The following UGT1A4 variants were observed in gnomAD, a reference collection of about 807,000 sequenced individuals.
UGT1A4 encodes the protein UDP glucuronosyltransferase family 1 member A4, also known as UDP-glucuronosyltransferase 1A4.
In UGT1A4, 32 loss-of-function variants were observed where a neutral mutation model predicts 41.1. The observed-to-expected ratio is 0.78, with a 90% CI of 0.59 to 1.05. The LOEUF is 1.05. Among genes scored for constraint, UGT1A4 ranks in the 50% least tolerant of loss-of-function variants. The pLI, the probability that UGT1A4 is intolerant of heterozygous loss-of-function variation, is 0.00. For synonymous variants in UGT1A4, 283 were observed against 265.1 expected, an observed-to-expected ratio of 1.07 and a Z score of -0.66; for missense variants, 748 against 677.4, an observed-to-expected ratio of 1.10 and a Z score of -1.16.
chr2:233,769,506 T>A lies in UGT1A4; in HGVS notation c.1307+1067T>A. On this transcript the variant is annotated intron_variant, in intron 4 of 4. Coordinates refer to ENST00000373409, the MANE Select transcript of UGT1A4 (RefSeq NM_007120.3). The surrounding 1 kb of genome is among the most constrained non-coding windows in gnomAD (Gnocchi z 4.4). ...GTGTGTTTATGAGAGTGTCCATTGCTTTCTCCCATGGTTACCTCCTTTAGA... is the reference window on the plus strand; with the variant it reads ...GTGTGTTTATGAGAGTGTCCATTGCATTCTCCCATGGTTACCTCCTTTAGA... The A allele has an allele frequency of 6.2e-7, 1 of 1,612,780 alleles. No individual in the cohort carries two copies. Among genetic ancestry groups the A allele is most frequent in the Non-Finnish European group, 8.5e-7 (1 of 1,179,850 alleles).
At chr2:233,772,241 C>T (rs200350292) in intron 4 of UGT1A4, 21 bp from the exon 5 acceptor site, 139 of 1,614,076 alleles carry the variant, frequency 8.6e-5, no homozygotes, top group Admixed American at 1.2e-4. Flanking sequence ...CCAGGCATAA[C>T]GAAACTGTCT....
At chr2:233,756,509 C>G (rs138449392) in intron 1 of UGT1A4, among the ~76,000 whole-genome samples, 3,057 of 152,098 alleles carry the variant, frequency 0.02, 61 homozygotes, top group Non-Finnish European at 0.029. Context: ...TATGGAGGGT[C>G]AAATGTGCAT....
intron 1 of UGT1A4, among the ~76,000 whole-genome samples, chr2:233,732,815 A>C (rs1359476181): frequency 7.1e-6 from 1 of 140,410 alleles, no homozygotes; most frequent in African/African-American, 2.7e-5. Context: ...TTGATTCCAT[A>C]TGAACTTTAA....
Position 233,767,879 on chromosome 2 carries a change from T to C in UGT1A4, c.1030T>C (p.Ser344Pro). 1 of 1,614,180 alleles carries C rather than the reference T, an allele frequency of 6.2e-7. No homozygotes were observed. The highest frequency in any genetic ancestry group is 1.6e-4 in the Middle Eastern group (1 of 6,062). ...VLWRYTGTRP[S>P]NLANNTILVK... ...GTGGCGGTACACTGGAACCCGACCA[T>C]CGAATCTTGCGAACAACACGATACT... The change falls in exon 3 of 5, where the codon TCG becomes CCG. Residue 344 changes from serine (S) to proline (P), a missense_variant. Coordinates refer to ENST00000373409, the MANE Select transcript of UGT1A4 (RefSeq NM_007120.3).
chr2:233,766,145 C>G (rs1400021152), intron 1 of UGT1A4, among the ~76,000 whole-genome samples: 2 of 152,164 alleles, frequency 1.3e-5, no homozygotes, highest in Non-Finnish European at 2.9e-5. Flanking sequence ...CGAATCCCAC[C>G]TGGGCTTGGA....
rs373052727 is a variant in UGT1A4 at position 233,772,330 on chromosome 2, C to T, written c.1376C>T (p.Ala459Val). ...CGCCCGGTGGAGCCGCTGGACCTGGCCGTGTTCTGGGTGGAGTTTGTGATG... is the reference window on the plus strand; with the variant it reads ...CGCCCGGTGGAGCCGCTGGACCTGGTCGTGTTCTGGGTGGAGTTTGTGATG... Reference protein sequence around the residue: ...KDRPVEPLDLAVFWVEFVMRH... With the variant: ...KDRPVEPLDLVVFWVEFVMRH... The change falls in exon 5 of 5, where the codon GCC (alanine) becomes GTC (valine). Residue 459 changes from alanine to valine, a missense_variant. Ala to Val is a moderately conservative substitution (Grantham distance 64). Transcript: ENST00000373409. 1.2e-6 allele frequency: 2 copies of T among 1,614,146 alleles called. No homozygotes were observed. The highest frequency in any genetic ancestry group is 1.7e-6 in the Non-Finnish European group (2 of 1,180,034).
At chr2:233,747,988 G>A (rs1693831821) in intron 1 of UGT1A4, 3 of 1,613,354 alleles carry the variant, frequency 1.9e-6, no homozygotes, top group Non-Finnish European at 2.5e-6. Context: ...CTGTTCCGAG[G>A]GGACTTTGTG....
intron 1 of UGT1A4, chr2:233,754,988 A>T (rs756949361): frequency 6.6e-5 from 86 of 1,295,924 alleles, no homozygotes; most frequent in Non-Finnish European, 8.9e-5. Context: ...CGGCGGGGTC[A>T]CGGAAGCTGA....
intron 1 of UGT1A4, chr2:233,747,682 G>A: frequency 6.2e-7 from 1 of 1,608,610 alleles, no homozygotes; most frequent in Admixed American, 1.7e-5. Flanking sequence ...ATTTACCTCT[G>A]TGGGGCAGTG....
intron 1 of UGT1A4, chr2:233,743,999 G>C (rs981482683): frequency 6.6e-6 from 8 of 1,219,924 alleles, no homozygotes; most frequent in African/African-American, 3.2e-5. Flanking sequence ...CCGAGTGCTC[G>C]GAGACCTGGG....
chr2:233,767,319 T>G (rs928023163), intron 2 of UGT1A4, among the ~76,000 whole-genome samples, 154 bp downstream of exon 2: 1 of 152,210 alleles, frequency 6.6e-6, no homozygotes, highest in African/African-American at 2.4e-5. Flanking sequence ...TTTTTGTTGT[T>G]GTGGTTGTTG....
chr2:233,762,622 T>A (rs772893097), intron 1 of UGT1A4, among the ~76,000 whole-genome samples: 3 of 152,196 alleles, frequency 2.0e-5, no homozygotes, highest in Non-Finnish European at 4.4e-5. Context: ...TGTTGTGACC[T>A]CAAACACTTC....
chr2:233,747,678 C>T, intron 1 of UGT1A4: 3 of 1,607,090 alleles, frequency 1.9e-6, no homozygotes, highest in Admixed American at 1.7e-5. Context: ...CCCAATTTAC[C>T]TCTGTGGGGC....
chr2:233,729,351 C>T, intron 1 of UGT1A4: 1 of 1,614,194 alleles, frequency 6.2e-7, no homozygotes, highest in Non-Finnish European at 8.5e-7. Context: ...AGAACTTTTT[C>T]ACCCTGACAA....
intron 1 of UGT1A4, chr2:233,753,260 C>T (rs917926378): frequency 2.6e-5 from 4 of 152,220 alleles, no homozygotes; most frequent in African/African-American, 9.6e-5. Context: ...ACTACCCAGG[C>T]ACCTTGGAGC....
rs528884709 is a variant in UGT1A4, at chr2:233,723,430, G to A, written c.867+3743G>A. Among the ~76,000 whole-genome samples the A allele has an allele frequency of 9.0e-5, 12 of 133,776 alleles. 1 individual carries two copies. In the South Asian group the frequency reaches 1.7e-3, roughly 19 times the overall value. 87.8% of individuals were successfully genotyped at this position (133,776 alleles called of 152,430 possible). On this transcript the variant is annotated intron_variant, in intron 1 of 4. Coordinates refer to ENST00000373409, the MANE Select transcript of UGT1A4 (RefSeq NM_007120.3). ...TCACCATACTGGTCAGGCTGGTCTC[G>A]AACTCCTGACCTCAGGTGATCCACC...
intron 1 of UGT1A4, among the ~76,000 whole-genome samples, chr2:233,749,453 C>A (rs1313864160): frequency 6.6e-6 from 1 of 151,804 alleles, no homozygotes; most frequent in Non-Finnish European, 1.5e-5. Flanking sequence ...TGGAGCAGAA[C>A]GAATTGGGAA....
At chr2:233,740,238 G>A (rs1254751502) in intron 1 of UGT1A4, among the ~76,000 whole-genome samples, 1 of 151,796 alleles carries the variant, frequency 6.6e-6, no homozygotes, top group Non-Finnish European at 1.5e-5. Context: ...AGCAGGCTGA[G>A]AATAGACTAA....
In UGT1A4 at chr2:233,719,168, T is replaced by G. The variant is rs1202848834; in HGVS notation, c.348T>G (p.Ile116Met). ...AGAGATATTCTAGAAGTATGGCAAT[T>G]ATGAACAATGTATCTTTGGCCCTTC... ...LLKRYSRSMA[I>M]MNNVSLALHR... is the part of the protein sequence containing the mutation. The change falls in exon 1 of 5, where the codon ATT becomes ATG. Residue 116 changes from isoleucine to methionine, a missense_variant. Physicochemically the swap from Ile to Met is conservative, Grantham distance 10. Transcript: ENST00000373409. 2 of 1,614,224 alleles carry G rather than the reference T, an allele frequency of 1.2e-6. No individual in the cohort carries two copies. Among genetic ancestry groups the G allele is most frequent in the Admixed American group, 1.7e-5 (1 of 60,034 alleles).
Sources: gnomAD v4.1 joint callset for allele counts (sites outside exome capture counted in the v4.1 genomes callset) on GRCh38, gnomAD v4.1.1 for gene constraint, Gnocchi (gnomAD v3.1) non-coding constraint, MANE v1.5 for transcripts, NCBI Gene and HGNC (gene_info 2026-07-23, HGNC 2026-07-21) for gene names.